The following CFAP54 variants were observed in gnomAD, a reference collection of about 807,000 sequenced individuals.
The protein encoded by CFAP54 is cilia and flagella associated protein 54, also known as cilia- and flagella-associated protein 54.
In CFAP54, 290 loss-of-function variants were observed where a neutral mutation model predicts 370.4. The ratio of observed to expected loss-of-function variants is 0.78; its 90% CI spans 0.71 to 0.86. CFAP54 has a LOEUF of 0.86. CFAP54 is among the 40% of genes least tolerant of loss of function. The pLI is 0.00. For synonymous variants in CFAP54, 1,206 were observed against 1,236.5 expected (o/e 0.98, Z 0.52); for missense variants, 3,399 against 3,528.7 (o/e 0.96, Z 0.93).
chr12:96,786,574 G>A (rs1265801480), intron 61 of CFAP54, 101 bp from the exon 62 acceptor site: 1 of 790,410 alleles, frequency 1.3e-6, no homozygotes. Flanking sequence ...TAGCGGAGGT[G>A]GGAATATGTA....
chr12:96,547,825 A>G, intron 14 of CFAP54, 77 bp from the exon 15 acceptor site: 1 of 606,648 alleles, frequency 1.6e-6, no homozygotes, highest in Non-Finnish European at 2.6e-6. Flanking sequence ...TCCTCTTCCT[A>G]CTTTTCCTTT....
chr12:96,788,159 A>G lies in CFAP54; in HGVS notation c.8679+1261A>G, dbSNP rs575903801. ...TTAAGTAACACTGAAAACAACAACAACCGAAACAGTTTTGTGACTCTTTGG... is the reference window on the plus strand; with the variant it reads ...TTAAGTAACACTGAAAACAACAACAGCCGAAACAGTTTTGTGACTCTTTGG... On this transcript the variant is annotated intron_variant, in intron 62 of 67. Coordinates refer to ENST00000524981, the MANE Select transcript of CFAP54 (RefSeq NM_001306084.2). Among the ~76,000 whole-genome samples the G allele has an allele frequency of 1.5e-3, 233 of 152,272 alleles. 4 individuals are homozygous for G. Among genetic ancestry groups the G allele is most frequent in the African/African-American group, 5.3e-3 (222 of 41,560 alleles).
Position 96,500,831 on chromosome 12 carries a change from C to G in CFAP54, c.318-3C>G. The G allele has an allele frequency of 6.7e-7, 1 of 1,486,484 alleles. No homozygotes were observed. The highest frequency in any genetic ancestry group is 8.9e-7 in the Non-Finnish European group (1 of 1,117,410). The allele number at this position is 1,486,484 out of a possible 1,614,324, so 92.1% of individuals were successfully genotyped here. On this transcript the variant is annotated splice_polypyrimidine_tract_variant and splice_region_variant and intron_variant, in intron 1 of 67. Coordinates refer to ENST00000524981, the MANE Select transcript of CFAP54 (RefSeq NM_001306084.2). ...ATGTCGTTTTATTTTATGATTTTTA[C>G]AGTGCCACTTCTTTGTTTAATATCT...
chr12:96,789,441 A>G (rs1237159732), intron 62 of CFAP54, among the ~76,000 whole-genome samples: 1 of 152,190 alleles, frequency 6.6e-6, no homozygotes, highest in Non-Finnish European at 1.5e-5. Flanking sequence ...ATTTTTGAGG[A>G]TTACTGCCAG....
intron 36 of CFAP54, among the ~76,000 whole-genome samples, chr12:96,655,066 A>T (rs1403455990): frequency 6.6e-6 from 1 of 152,076 alleles, no homozygotes; most frequent in Non-Finnish European, 1.5e-5. Flanking sequence ...AAATTGGAGG[A>T]TTCACTATAT....
chr12:96,645,219 T>C (rs1356459345), intron 33 of CFAP54: 2 of 455,612 alleles, frequency 4.4e-6, no homozygotes, highest in East Asian at 1.4e-4. Context: ...AAATAGAAGA[T>C]ACATACATAA....
At chr12:96,619,197 ATATAT>A (rs1010706723) in intron 26 of CFAP54, among the ~76,000 whole-genome samples, 1 of 152,134 alleles carries the variant, frequency 6.6e-6, no homozygotes, top group Non-Finnish European at 1.5e-5. Context: ...AAAACAAGTA[ATATAT>A]TAATGTCACG....
chr12:96,641,260 G>T (rs929790694), intron 32 of CFAP54, among the ~76,000 whole-genome samples: 103 of 152,182 alleles, frequency 6.8e-4, no homozygotes, highest in African/African-American at 2.3e-3. Context: ...ATCAACAAGT[G>T]GGCAAAGGAT....
intron 45 of CFAP54, among the ~76,000 whole-genome samples, 173 bp from the exon 46 acceptor site, chr12:96,699,798 A>G (rs1391278511): frequency 6.6e-6 from 1 of 152,230 alleles, no homozygotes; most frequent in African/African-American, 2.4e-5. Context: ...GGGCATACAC[A>G]TAGACACACG....
chr12:96,844,873 C>G (rs1405598639), intron 66 of CFAP54, among the ~76,000 whole-genome samples: 1 of 152,204 alleles, frequency 6.6e-6, no homozygotes, highest in Non-Finnish European at 1.5e-5. Flanking sequence ...CCTCTCCCAC[C>G]TGACTCAGTT....
At chr12:96,635,189 AAT>A (rs1486268833) in intron 32 of CFAP54, among the ~76,000 whole-genome samples, 2 of 152,136 alleles carry the variant, frequency 1.3e-5, no homozygotes, top group African/African-American at 4.8e-5. Flanking sequence ...GAATTTTAAA[AAT>A]ATATTTATTG....
rs815890 is a variant in CFAP54, at chr12:96,598,716, C to A, written c.3588C>A (p.Ser1196Arg). Residue 1196 changes from serine (S) to arginine (R), a missense_variant, in exon 26 of 68, where the codon AGC (serine) becomes AGA (arginine). Physicochemically the swap from Ser to Arg is moderately radical, Grantham distance 110 (BLOSUM62 -1). Transcript: ENST00000524981. ...TCTGCTCGAAGAAACATACTGCGAG[C>A]TTTGAAAGTATACAACACATGATAG... ...SIVCSKKHTA[S>R]FESIQHMIAC... The A allele has an allele frequency of 1.5e-6, 1 of 678,674 alleles. No homozygotes were observed. The highest frequency in any genetic ancestry group is 2.7e-6 in the Non-Finnish European group (1 of 371,492). 42.0% of individuals were successfully genotyped at this position (678,674 alleles called of 1,614,324 possible). A position where few individuals can be genotyped will look rare whatever the true frequency, so the allele number is the denominator to read the frequency against.
intron 14 of CFAP54, among the ~76,000 whole-genome samples, chr12:96,546,712 C>T (rs7342328): frequency 0.2 from 30,697 of 151,880 alleles, 3,443 homozygotes; most frequent in South Asian, 0.35. Context: ...GCCTGTAGTC[C>T]CAGCTGCTCG....
intron 32 of CFAP54, among the ~76,000 whole-genome samples, chr12:96,632,401 G>C (rs1956619044): frequency 6.6e-6 from 1 of 151,854 alleles, no homozygotes; most frequent in Admixed American, 6.6e-5. Context: ...TTCACATTTA[G>C]GAATTTCATT....
chr12:96,503,225 TTTCC>T (rs1565876911), intron 2 of CFAP54, among the ~76,000 whole-genome samples: 1 of 137,070 alleles, frequency 7.3e-6, no homozygotes, highest in African/African-American at 2.7e-5. Flanking sequence ...TTTCCTTTTT[TTTCC>T]TTCCTTTCTT....
chr12:96,522,066 A>C (rs1467179347), intron 7 of CFAP54, 22 bp from the exon 8 acceptor site: 3 of 1,531,820 alleles, frequency 2.0e-6, no homozygotes, highest in Non-Finnish European at 1.7e-6. Flanking sequence ...TATTTCATGT[A>C]TAATTCTGCT....
intron 52 of CFAP54, 25 bp from the exon 53 acceptor site, chr12:96,743,377 A>T (rs367724055): frequency 6.2e-7 from 1 of 1,607,420 alleles, no homozygotes; most frequent in Non-Finnish European, 8.5e-7. Flanking sequence ...AATGCATTTT[A>T]AATAACCGCA....
At chr12:96,731,834 A>T (rs1307559796) in intron 50 of CFAP54, among the ~76,000 whole-genome samples, 2 of 152,204 alleles carry the variant, frequency 1.3e-5, no homozygotes, top group African/African-American at 4.8e-5. Context: ...AAGTAGGAAA[A>T]GTTCAGCAAT....
At chr12:96,733,321 T>C (rs1161262872) in intron 50 of CFAP54, among the ~76,000 whole-genome samples, 1 of 152,178 alleles carries the variant, frequency 6.6e-6, no homozygotes, top group Non-Finnish European at 1.5e-5. Context: ...CTTTTTTAAA[T>C]GATGGTTAGC....
Sources: allele counts gnomAD v4.1 joint callset (sites outside exome capture counted in the v4.1 genomes callset), GRCh38; gene constraint gnomAD v4.1.1; transcripts MANE v1.5; gene names NCBI Gene and HGNC (gene_info 2026-07-23, HGNC 2026-07-21).